The following PDZRN4 variants were observed in gnomAD, a reference collection of about 807,000 sequenced individuals.
PDZRN4 encodes the protein PDZ domain-containing RING finger protein 4.
In PDZRN4, 70 loss-of-function variants were observed where a neutral mutation model predicts 99.0. The ratio of observed to expected loss-of-function variants is 0.71; its 90% CI spans 0.58 to 0.86. PDZRN4 has a LOEUF of 0.86. Ranked by LOEUF, PDZRN4 falls within the 40% of genes least tolerant of loss-of-function variation. PDZRN4 has a pLI of 0.00. For missense variants in PDZRN4, 1,474 were observed against 1,331.2 expected (o/e 1.11, Z -1.67); for synonymous variants, 551 against 501.6 (o/e 1.10, Z -1.32).
intron 8 of PDZRN4, among the ~76,000 whole-genome samples, chr12:41,566,763 G>A (rs1939379498): frequency 6.6e-6 from 1 of 152,146 alleles, no homozygotes; most frequent in Non-Finnish European, 1.5e-5. Context: ...GTTCATTGGT[G>A]GTGAAAATAT....
At chr12:41,474,032 A>T (rs896647470) in intron 3 of PDZRN4, among the ~76,000 whole-genome samples, 1 of 152,232 alleles carries the variant, frequency 6.6e-6, no homozygotes, top group African/African-American at 2.4e-5. Flanking sequence ...CAGTGTAACT[A>T]AAAGAACAGC....
intron 3 of PDZRN4, among the ~76,000 whole-genome samples, chr12:41,304,461 C>A (rs1212403545): frequency 1.3e-5 from 2 of 152,172 alleles, no homozygotes; most frequent in African/African-American, 4.8e-5. Flanking sequence ...CTTTCCCCCA[C>A]TCAGTGCTCT....
At chr12:41,458,244 A>C (rs1015902501) in intron 3 of PDZRN4, among the ~76,000 whole-genome samples, 1 of 152,272 alleles carries the variant, frequency 6.6e-6, no homozygotes, top group African/African-American at 2.4e-5. Flanking sequence ...TGCAATCTCC[A>C]CTTCCCAGGT....
chr12:41,543,674 C>T (rs1290677105), intron 5 of PDZRN4, among the ~76,000 whole-genome samples: 2 of 152,118 alleles, frequency 1.3e-5, no homozygotes, highest in Admixed American at 6.5e-5. Flanking sequence ...TGAATCCATT[C>T]TCAGGGTCTA....
intron 3 of PDZRN4, among the ~76,000 whole-genome samples, chr12:41,292,802 A>G (rs1305862916): frequency 6.6e-6 from 1 of 152,058 alleles, no homozygotes; most frequent in Non-Finnish European, 1.5e-5. Context: ...TGTCCCAGAG[A>G]GTTGTGCATC....
chr12:41,380,965 T>C (rs188328336), intron 3 of PDZRN4, among the ~76,000 whole-genome samples: 34 of 152,302 alleles, frequency 2.2e-4, no homozygotes, highest in South Asian at 1.7e-3. Flanking sequence ...TATCTCTGTC[T>C]TCATGTCTAT....
Position 41,188,572 on chromosome 12 carries a change from C to T in PDZRN4, c.117C>T (p.Ala39=). The change falls in exon 1 of 10, where the codon GCC becomes GCT. Residue 39 remains alanine, a synonymous_variant. Transcript: ENST00000402685. ...CGCCGTGCGGGCACGTCTTCTGCGC[C>T]AGCTGCCTGTTGCCCTGGGCGGTGC... ...LCTPCGHVFC[A]SCLLPWAVRR... is the part of the protein sequence containing the mutation. 2 of 1,547,614 alleles carry T rather than the reference C, an allele frequency of 1.3e-6. No homozygotes were observed. The highest frequency in any genetic ancestry group is 1.7e-6 in the Non-Finnish European group (2 of 1,153,704).
intron 3 of PDZRN4, among the ~76,000 whole-genome samples, chr12:41,350,887 C>A (rs1432970495): frequency 6.6e-6 from 1 of 152,058 alleles, no homozygotes. Flanking sequence ...GTAGAAACAG[C>A]AGTCAATACC....
At chr12:41,486,795 T>G (rs967734156) in intron 3 of PDZRN4, among the ~76,000 whole-genome samples, 1 of 152,174 alleles carries the variant, frequency 6.6e-6, no homozygotes, top group Non-Finnish European at 1.5e-5. Flanking sequence ...CCGATTCCTG[T>G]GAGCTCATCT....
At chr12:41,280,904 G>A (rs1001753823) in intron 3 of PDZRN4, among the ~76,000 whole-genome samples, 4 of 152,138 alleles carry the variant, frequency 2.6e-5, no homozygotes, top group Non-Finnish European at 5.9e-5. Flanking sequence ...CCTGACCCCC[G>A]TGCCTCCTGA....
At chr12:41,486,654 G>A (rs1020659594) in intron 3 of PDZRN4, among the ~76,000 whole-genome samples, 1 of 152,010 alleles carries the variant, frequency 6.6e-6, no homozygotes, top group Non-Finnish European at 1.5e-5. Flanking sequence ...TGACCAAATG[G>A]GAATGTGAAT....
intron 3 of PDZRN4, among the ~76,000 whole-genome samples, chr12:41,301,505 A>G (rs1951535248): frequency 6.6e-6 from 1 of 152,072 alleles, no homozygotes; most frequent in Admixed American, 6.6e-5. Context: ...TATAATCCTT[A>G]TAGAAGAATG....
At chr12:41,228,177 C>T (rs527700294) in intron 3 of PDZRN4, among the ~76,000 whole-genome samples, 46 of 152,208 alleles carry the variant, frequency 3.0e-4, no homozygotes, top group African/African-American at 7.7e-4. Flanking sequence ...AACAATCCTC[C>T]TCCGAATCTG....
chr12:41,390,562 C>CAAAAAAAAAAAAAAA (rs766893966), intron 3 of PDZRN4, among the ~76,000 whole-genome samples: 6 of 101,294 alleles, frequency 5.9e-5, no homozygotes, highest in African/African-American at 1.5e-4. Flanking sequence ...AACTCCTAAG[C>CAAAAAAAAAAAAAAA]AAAAAAAAAA....
chr12:41,277,461 T>C (rs761680414), intron 3 of PDZRN4, among the ~76,000 whole-genome samples: 1 of 152,320 alleles, frequency 6.6e-6, no homozygotes, highest in East Asian at 1.9e-4. Context: ...CCGCTTTCAT[T>C]CTGAGCGTTG....
intron 3 of PDZRN4, among the ~76,000 whole-genome samples, chr12:41,335,711 A>T (rs1394595046): frequency 6.6e-6 from 1 of 152,258 alleles, no homozygotes; most frequent in Admixed American, 6.5e-5. Flanking sequence ...GAAAATAGTC[A>T]CAATATTCAG....
intron 3 of PDZRN4, among the ~76,000 whole-genome samples, chr12:41,416,158 G>T (rs1952443620): frequency 6.6e-6 from 1 of 152,168 alleles, no homozygotes; most frequent in Admixed American, 6.5e-5. Context: ...GAATTAAAAT[G>T]TGAGCAAGTG....
intron 3 of PDZRN4, among the ~76,000 whole-genome samples, chr12:41,309,927 CCTTT>C (rs950480376): frequency 6.6e-6 from 1 of 151,810 alleles, no homozygotes; most frequent in Non-Finnish European, 1.5e-5. Context: ...GAGACTTCGT[CCTTT>C]CTTTTTTTAT....
chr12:41,457,833 T>C (rs1952829596), intron 3 of PDZRN4, among the ~76,000 whole-genome samples: 1 of 152,222 alleles, frequency 6.6e-6, no homozygotes, highest in Non-Finnish European at 1.5e-5. Flanking sequence ...AAATATTTAC[T>C]GAGTGTGAAT....
Sources: allele counts gnomAD v4.1 joint callset (sites outside exome capture counted in the v4.1 genomes callset), GRCh38; gene constraint gnomAD v4.1.1; transcripts MANE v1.5; gene names NCBI Gene and HGNC (gene_info 2026-07-23, HGNC 2026-07-21).